Variants in UBE2L3 observed in about 807,000 individuals in gnomAD.
UBE2L3 encodes the protein ubiquitin-conjugating enzyme E2 L3.
A neutral mutation model predicts 17.8 loss-of-function variants in UBE2L3; 1 was observed. The ratio of observed to expected loss-of-function variants is 0.06; its 90% confidence interval spans 0.02 to 0.27. The LOEUF (loss-of-function observed/expected upper bound fraction) is 0.27. Ranked by LOEUF, UBE2L3 falls within the 10% of genes least tolerant of loss-of-function variation. The pLI is 1.00. For synonymous variants in UBE2L3, 44 were observed against 68.5 expected, an observed-to-expected ratio of 0.64 and a Z score of 1.76; for missense variants, 40 against 192.6, an observed-to-expected ratio of 0.21 and a Z score of 4.69.
intron 1 of UBE2L3, among the ~76,000 whole-genome samples, chr22:21,572,624 A>G (rs1927042690): frequency 6.6e-6 from 1 of 152,134 alleles, no homozygotes; most frequent in Admixed American, 6.5e-5. Context: ...TACAGCAGTA[A>G]ATGTGAGAGC....
At chr22:21,565,754 CAAAAAAAAAAAA>C (rs131662), upstream of UBE2L3, among the ~76,000 whole-genome samples, 11 of 30,276 alleles carry the variant, frequency 3.6e-4, no homozygotes, top group Admixed American at 6.7e-4. Context: ...AACTGTGTCT[CAAAAAAAAAAAA>C]AAAAAAAAAA....
chr22:21,563,679 C>A (rs1257421273), upstream of UBE2L3, among the ~76,000 whole-genome samples: 1 of 148,624 alleles, frequency 6.7e-6, no homozygotes, highest in African/African-American at 2.5e-5. Flanking sequence ...CGGGTTCGAG[C>A]GATTCTCCCG....
intron 3 of UBE2L3, among the ~76,000 whole-genome samples, chr22:21,614,325 C>T (rs1225046121): frequency 6.6e-6 from 1 of 151,986 alleles, no homozygotes; most frequent in African/African-American, 2.4e-5. Context: ...CACAGTGGCT[C>T]ACGCCTGTAA....
chr22:21,573,313 C>A (rs1343966074), intron 1 of UBE2L3, among the ~76,000 whole-genome samples: 1 of 152,094 alleles, frequency 6.6e-6, no homozygotes, highest in Admixed American at 6.6e-5. Context: ...TTGTCTCTCC[C>A]CACTTGCCCG....
intron 1 of UBE2L3, among the ~76,000 whole-genome samples, chr22:21,575,475 G>A (rs1276671376): frequency 6.8e-6 from 1 of 146,622 alleles, no homozygotes; most frequent in African/African-American, 2.5e-5. Flanking sequence ...TGTAATCCCA[G>A]CTACTCTGGA....
chr22:21,565,822 A>G (rs142248636), upstream of UBE2L3, among the ~76,000 whole-genome samples: 9 of 148,700 alleles, frequency 6.1e-5, no homozygotes, highest in East Asian at 1.8e-3. Context: ...TATATTCTGA[A>G]GCTATGTTCT....
At chr22:21,591,621 TA>T (rs1055666771) in intron 1 of UBE2L3, among the ~76,000 whole-genome samples, 1 of 152,172 alleles carries the variant, frequency 6.6e-6, no homozygotes, top group Non-Finnish European at 1.5e-5. Context: ...GGGTGCCTTT[TA>T]AACTACCACT....
chr22:21,620,073 C>G (rs1208598778), intron 3 of UBE2L3, among the ~76,000 whole-genome samples: 2 of 152,228 alleles, frequency 1.3e-5, no homozygotes, highest in East Asian at 1.9e-4. Context: ...GCGGTAGGAT[C>G]ACTCAAGCCC....
intron 2 of UBE2L3, among the ~76,000 whole-genome samples, chr22:21,605,480 A>G (rs1442944574): frequency 6.6e-6 from 1 of 151,696 alleles, no homozygotes; most frequent in Admixed American, 6.6e-5. Context: ...GCCTTTTTTT[A>G]GTATAGATAG....
At chr22:21,561,677 G>A (rs1926437949) in intron 1 of UBE2L3, among the ~76,000 whole-genome samples, 1 of 152,282 alleles carries the variant, frequency 6.6e-6, no homozygotes. Flanking sequence ...GGGGAGTGTA[G>A]TGGGAGGGAA....
chr22:21,613,357 C>A (rs1929604618), intron 3 of UBE2L3, among the ~76,000 whole-genome samples: 1 of 152,152 alleles, frequency 6.6e-6, no homozygotes, highest in Admixed American at 6.5e-5. Context: ...AACTTAGGGG[C>A]AGCTTTTAAT....
At chr22:21,591,621 T>C (rs1190688493) in intron 1 of UBE2L3, among the ~76,000 whole-genome samples, 1 of 152,172 alleles carries the variant, frequency 6.6e-6, no homozygotes, top group African/African-American at 2.4e-5. Flanking sequence ...GGGTGCCTTT[T>C]AAACTACCAC....
At chr22:21,593,782 T>G (rs1928385840) in intron 2 of UBE2L3, among the ~76,000 whole-genome samples, 1 of 152,136 alleles carries the variant, frequency 6.6e-6, no homozygotes, top group Admixed American at 6.6e-5. Context: ...CCTCCTGAGC[T>G]TTTGGAGCAC....
intron 3 of UBE2L3, among the ~76,000 whole-genome samples, chr22:21,617,633 A>G (rs2148448770): frequency 6.6e-6 from 1 of 152,310 alleles, no homozygotes; most frequent in Non-Finnish European, 1.5e-5. Flanking sequence ...CATTTGGGTC[A>G]TGGAAGAGAC....
intron 1 of UBE2L3, among the ~76,000 whole-genome samples, chr22:21,561,735 G>A (rs1486392149): frequency 6.6e-6 from 1 of 152,266 alleles, no homozygotes; most frequent in Admixed American, 6.5e-5. Flanking sequence ...ACAGTGGGGG[G>A]TGTGATGTGG....
intron 2 of UBE2L3, among the ~76,000 whole-genome samples, chr22:21,596,144 G>A (rs60425803): frequency 0.031 from 4,684 of 152,156 alleles, 239 homozygotes; most frequent in African/African-American, 0.11. Context: ...GATTACAAGC[G>A]TGAGCCACCA....
Position 21,611,053 on chromosome 22 carries a change from G to A in UBE2L3, c.310+10G>A, listed in dbSNP as rs1430494921. Reference sequence around the variant, plus strand: ...ACCAAAACCGACCAAGGTAAGACATGTGCCTGTGTCTTCCTCGGAGGGGGT... The same window carrying A: ...ACCAAAACCGACCAAGGTAAGACATATGCCTGTGTCTTCCTCGGAGGGGGT... On this transcript the variant is annotated intron_variant, in intron 3 of 3. Transcript: ENST00000342192. 5.7e-6 allele frequency: 9 copies of A among 1,589,102 alleles called. No homozygotes were observed. The East Asian group carries it at 1.8e-4, about 32-fold the overall frequency.
intron 1 of UBE2L3, among the ~76,000 whole-genome samples, chr22:21,557,805 G>A (rs1282302067): frequency 6.6e-6 from 1 of 152,218 alleles, no homozygotes; most frequent in Non-Finnish European, 1.5e-5. Flanking sequence ...ACAGGTGTGA[G>A]CCATAGCACC....
At chr22:21,612,913 A>G (rs1437520046) in intron 3 of UBE2L3, among the ~76,000 whole-genome samples, 5 of 152,160 alleles carry the variant, frequency 3.3e-5, no homozygotes, top group African/African-American at 1.2e-4. Flanking sequence ...CTGGGATTAC[A>G]GGCATGAGCC....
Sources: gnomAD v4.1 joint callset for allele counts (sites outside exome capture counted in the v4.1 genomes callset) on GRCh38, gnomAD v4.1.1 for gene constraint, MANE v1.5 for transcripts, NCBI Gene and HGNC (gene_info 2026-07-23, HGNC 2026-07-21) for gene names.